The following PCDHA4 variants were observed in gnomAD, a reference collection of about 807,000 sequenced individuals.
The protein encoded by PCDHA4 is protocadherin alpha-4.
Under a neutral mutation model 61.4 loss-of-function variants are expected in PCDHA4, and 49 were observed. The observed-to-expected ratio is 0.80, with a 90% CI of 0.63 to 1.01. PCDHA4 has a LOEUF of 1.01. Among genes scored for constraint, PCDHA4 ranks in the 50% least tolerant of loss-of-function variants. The pLI, the probability that PCDHA4 is intolerant of heterozygous loss-of-function variation, is 0.00. For missense variants in PCDHA4, 1,254 were observed against 1,235.8 expected (o/e 1.01, Z -0.22); for synonymous variants, 590 against 550.3 (o/e 1.07, Z -1.01).
intron 1 of PCDHA4, among the ~76,000 whole-genome samples, chr5:140,900,019 A>T (rs1164566696): frequency 1.3e-5 from 2 of 151,964 alleles, no homozygotes; most frequent in African/African-American, 4.8e-5. Flanking sequence ...TTTGTTACCC[A>T]GTTTGGCCTT....
intron 1 of PCDHA4, chr5:140,829,780 G>A: frequency 1.2e-6 from 2 of 1,613,792 alleles, no homozygotes; most frequent in Non-Finnish European, 1.7e-6. Context: ...ACAACGCGCC[G>A]GCGCTGCTGG....
intron 1 of PCDHA4, chr5:140,877,799 T>C: frequency 1.2e-6 from 2 of 1,613,438 alleles, no homozygotes; most frequent in Non-Finnish European, 1.7e-6. Context: ...AGCCCAAGCC[T>C]TCAGCTGTCT....
At chr5:140,850,285 T>G in intron 1 of PCDHA4, 1 of 1,595,606 alleles carries the variant, frequency 6.3e-7, no homozygotes, top group Non-Finnish European at 8.6e-7. Context: ...GTGCGCGCAG[T>G]GGACGCCGAC....
At chr5:140,867,200 A>G (rs1239575601) in intron 1 of PCDHA4, 1 of 152,126 alleles carries the variant, frequency 6.6e-6, no homozygotes, top group African/African-American at 2.4e-5. Context: ...TCCACATTCC[A>G]TGTAACATCT....
In PCDHA4 at chr5:141,010,033, G is replaced by A. The variant is rs2098415819; in HGVS notation, c.*96G>A. 1.9e-6 allele frequency: 3 copies of A among 1,581,924 alleles called. No homozygotes were observed. The South Asian group carries it at 3.6e-5, about 19-fold the overall frequency. ...CCCTGCTCCTTTTTCCTATCTACAT[G>A]AGCCCTCTTAGAGACCTCAGAAATC... On this transcript the variant is annotated 3_prime_UTR_variant, in exon 4 of 4. Transcript: ENST00000530339.
chr5:140,863,282 A>G (rs782183211), intron 1 of PCDHA4: 1 of 1,461,396 alleles, frequency 6.8e-7, no homozygotes, highest in Non-Finnish European at 9.3e-7. Flanking sequence ...GTGGATGTCA[A>G]CGTGTACCTG....
At chr5:140,839,650 T>C (rs1297660391) in intron 1 of PCDHA4, among the ~76,000 whole-genome samples, 1 of 152,088 alleles carries the variant, frequency 6.6e-6, no homozygotes, top group African/African-American at 2.4e-5. Flanking sequence ...TCTTTACAAA[T>C]TGTTTGCTAC....
intron 1 of PCDHA4, chr5:140,851,388 A>G (rs2042047686): frequency 1.0e-6 from 1 of 974,904 alleles, no homozygotes; most frequent in Admixed American, 6.2e-5. Flanking sequence ...AACCTTCAGT[A>G]TCTATTATTT....
chr5:140,929,326 G>A, intron 1 of PCDHA4: 1 of 1,538,470 alleles, frequency 6.5e-7, no homozygotes. Context: ...CAATGCCATG[G>A]TAAGCAAATT....
chr5:140,819,751 T>C (rs1766615199), intron 1 of PCDHA4, among the ~76,000 whole-genome samples: 2 of 151,842 alleles, frequency 1.3e-5, no homozygotes, highest in Admixed American at 1.3e-4. Context: ...AAGTCAAGAG[T>C]CTTGTTTCCT....
At chr5:140,926,782 C>G in intron 1 of PCDHA4, 1 of 1,403,504 alleles carries the variant, frequency 7.1e-7, no homozygotes, top group Non-Finnish European at 9.3e-7. Context: ...GCAGTGACGG[C>G]CGGCAGGAGC....
At chr5:140,937,370 TTATG>T (rs2091504322) in intron 1 of PCDHA4, among the ~76,000 whole-genome samples, 1 of 152,120 alleles carries the variant, frequency 6.6e-6, no homozygotes, top group South Asian at 2.1e-4. Flanking sequence ...ATCTTAATGT[TTATG>T]TGTGTGTATG....
At chr5:140,821,180 A>G (rs1200131570) in intron 1 of PCDHA4, among the ~76,000 whole-genome samples, 1 of 152,186 alleles carries the variant, frequency 6.6e-6, no homozygotes, top group Non-Finnish European at 1.5e-5. Context: ...TCCATTGACT[A>G]ATACAGAAAA....
chr5:140,926,404 A>G (rs192980510), intron 1 of PCDHA4: 1 of 152,612 alleles, frequency 6.6e-6, no homozygotes, highest in African/African-American at 2.4e-5. Context: ...GTTATCAGCA[A>G]TCTGCGGGCA....
intron 3 of PCDHA4, among the ~76,000 whole-genome samples, chr5:141,000,194 G>A (rs2097896080): frequency 6.6e-6 from 1 of 151,746 alleles, no homozygotes; most frequent in South Asian, 2.1e-4. Context: ...TGTGAGAATA[G>A]TTTTTCACCT....
intron 1 of PCDHA4, chr5:140,928,828 C>G (rs199775949): frequency 6.2e-7 from 1 of 1,614,160 alleles, no homozygotes. Context: ...AGACCCACCA[C>G]TTTCCTCCTC....
intron 1 of PCDHA4, chr5:140,824,610 G>GTTTTTTTGT (rs1768198907): frequency 1.1e-5 from 1 of 95,104 alleles, no homozygotes; most frequent in Non-Finnish European, 1.9e-5. Flanking sequence ...GCTAATTAAA[G>GTTTTTTTGT]TTTTTTTTTT....
chr5:140,937,039 CT>C (rs34994034), intron 1 of PCDHA4, among the ~76,000 whole-genome samples: 142 of 140,130 alleles, frequency 1.0e-3, no homozygotes, highest in Middle Eastern at 3.8e-3. Flanking sequence ...TTCCATTTAT[CT>C]TTTTTTTTTT....
chr5:140,859,875 T>G (rs1554152798), intron 1 of PCDHA4: 1 of 152,066 alleles, frequency 6.6e-6, no homozygotes, highest in East Asian at 1.9e-4. Flanking sequence ...CTTCCCCCTC[T>G]GATATTTTGA....
Sources: allele counts gnomAD v4.1 joint callset (sites outside exome capture counted in the v4.1 genomes callset), GRCh38; gene constraint gnomAD v4.1.1; transcripts MANE v1.5; gene names NCBI Gene and HGNC (gene_info 2026-07-23, HGNC 2026-07-21).